RANBP2: variants seen among roughly 807,000 people sequenced by gnomAD.
RANBP2 encodes RAN binding protein 2.
A neutral mutation model predicts 303.6 loss-of-function variants in RANBP2; 57 were observed. The ratio of observed to expected loss-of-function variants is 0.19; its 90% CI spans 0.15 to 0.23. The LOEUF (loss-of-function observed/expected upper bound fraction) is 0.23, where lower values mean the gene tolerates loss of function less well. RANBP2 is among the 10% of genes least tolerant of loss of function. RANBP2 has a pLI of 1.00. For synonymous variants in RANBP2, 1,167 were observed against 1,301.5 expected (o/e 0.90, Z 2.23); for missense variants, 3,138 against 3,780.8 (o/e 0.83, Z 4.46).
the RANBP2 span, among the ~76,000 whole-genome samples, chr2:109,476,312 T>C: frequency 6.6e-6 from 1 of 151,904 alleles, no homozygotes; most frequent in Non-Finnish European, 1.5e-5. Flanking sequence ...GAAGATCAAA[T>C]GAGATCATGT....
chr2:109,419,032 T>C, the RANBP2 span, among the ~76,000 whole-genome samples: 1 of 152,182 alleles, frequency 6.6e-6, no homozygotes. Flanking sequence ...TTGGAGCACT[T>C]TGGGGTCTTG....
intron 9 of RANBP2, 116 bp downstream of exon 9, chr2:108,749,245 T>C (rs1675654120): frequency 1.9e-6 from 3 of 1,539,996 alleles, no homozygotes; most frequent in Middle Eastern, 2.3e-4. Context: ...TGTGTGTGGG[T>C]TGGGCTGGGG....
the RANBP2 span, among the ~76,000 whole-genome samples, chr2:109,055,145 C>T: frequency 1.3e-5 from 2 of 152,274 alleles, no homozygotes; most frequent in South Asian, 4.1e-4. Flanking sequence ...TTCACGATGA[C>T]TAATGATATT....
At position 108,783,629 on chromosome 2, in the gene RANBP2, G is replaced by A. The variant is rs775099953; in HGVS notation, c.9403G>A (p.Gly3135Arg). 4 of 1,612,406 alleles carry A rather than the reference G, an allele frequency of 2.5e-6. No individual in the cohort carries two copies. The highest frequency in any genetic ancestry group is 1.1e-5 in the South Asian group (1 of 90,966). ...GDITKHDGTG[G>R]QSIYGDKFED... ...TATCACCAAACATGATGGAACAGGC[G>A]GACAGTCCATTTATGGAGACAAATT... The change falls in exon 29 of 29, where the codon GGA becomes AGA. Residue 3135 changes from glycine (G) to arginine (R), a missense_variant. Physicochemically the swap from Gly to Arg is moderately radical, Grantham distance 125. Around this residue, in one of 20 missense-constraint regions of RANBP2, gnomAD observed 204 missense variants for 228.4 expected, o/e 0.89. Coordinates refer to ENST00000283195, the MANE Select transcript of RANBP2 (RefSeq NM_006267.5).
chr2:108,807,385 T>C, the RANBP2 span, among the ~76,000 whole-genome samples: 1 of 152,174 alleles, frequency 6.6e-6, no homozygotes, highest in Non-Finnish European at 1.5e-5. Context: ...TAAAATTATT[T>C]TTAATTGACA....
At chr2:109,029,246 T>C in the RANBP2 span, among the ~76,000 whole-genome samples, 1 of 151,970 alleles carries the variant, frequency 6.6e-6, no homozygotes, top group African/African-American at 2.4e-5. Flanking sequence ...GTCTATGGAG[T>C]CCCTCCCCAT....
the RANBP2 span, among the ~76,000 whole-genome samples, chr2:109,064,466 A>AAAAC: frequency 4.7e-5 from 7 of 148,632 alleles, no homozygotes; most frequent in Non-Finnish European, 8.9e-5. Flanking sequence ...AAAAAAAAAA[A>AAAAC]AAAAACAAAA....
chr2:109,032,292 T>C, the RANBP2 span, among the ~76,000 whole-genome samples: 1 of 151,624 alleles, frequency 6.6e-6, no homozygotes, highest in Non-Finnish European at 1.5e-5. Flanking sequence ...TGCATAGCGA[T>C]TTTTTTTGTC....
chr2:109,543,613 G>A, the RANBP2 span: 1 of 152,126 alleles, frequency 6.6e-6, no homozygotes, highest in Non-Finnish European at 1.5e-5. Flanking sequence ...GGTTCATCTT[G>A]GAATATAAAT....
At chr2:109,075,801 T>C in the RANBP2 span, among the ~76,000 whole-genome samples, 1 of 149,394 alleles carries the variant, frequency 6.7e-6, no homozygotes, top group African/African-American at 2.4e-5. Flanking sequence ...AACAGATGAG[T>C]TACAAATAAG....
At chr2:108,727,823 G>A (rs1465661648) in intron 1 of RANBP2, among the ~76,000 whole-genome samples, 2 of 151,916 alleles carry the variant, frequency 1.3e-5, no homozygotes, top group Non-Finnish European at 1.5e-5. Flanking sequence ...GGCTGGTCTC[G>A]AACTCTTGGC....
the RANBP2 span, chr2:109,574,661 C>T: frequency 3.7e-6 from 6 of 1,609,270 alleles, no homozygotes; most frequent in Admixed American, 5.1e-5. Context: ...TAGAGACACA[C>T]ATGGATGCGA....
chr2:109,661,232 C>A, the RANBP2 span, among the ~76,000 whole-genome samples: 1 of 138,680 alleles, frequency 7.2e-6, no homozygotes, highest in Non-Finnish European at 1.5e-5. Flanking sequence ...CATGAGGGAG[C>A]ATTAGTAGAA....
At chr2:109,178,425 G>A in the RANBP2 span, among the ~76,000 whole-genome samples, 3 of 151,968 alleles carry the variant, frequency 2.0e-5, no homozygotes, top group Non-Finnish European at 2.9e-5. Flanking sequence ...TTTTTTTATT[G>A]TTTTGTGAGC....
At chr2:109,405,287 A>C in the RANBP2 span, among the ~76,000 whole-genome samples, 26 of 152,182 alleles carry the variant, frequency 1.7e-4, no homozygotes, top group African/African-American at 5.1e-4. Flanking sequence ...TCTGTTCCTC[A>C]AGGAGTCACC....
chr2:108,780,919 G>A (rs1421043009), intron 25 of RANBP2, among the ~76,000 whole-genome samples: 1 of 152,116 alleles, frequency 6.6e-6, no homozygotes, highest in African/African-American at 2.4e-5. Context: ...ATGTTGGTCA[G>A]GCTGGTCTTG....
the RANBP2 span, among the ~76,000 whole-genome samples, chr2:108,946,474 C>G: frequency 2.0e-5 from 3 of 152,148 alleles, no homozygotes; most frequent in Non-Finnish European, 4.4e-5. Context: ...GGCTCTCTGG[C>G]CAAACACATA....
the RANBP2 span, among the ~76,000 whole-genome samples, chr2:109,304,704 C>G: frequency 6.6e-6 from 1 of 152,214 alleles, no homozygotes; most frequent in Non-Finnish European, 1.5e-5. Flanking sequence ...CTATTCAGTG[C>G]TTGGTGCTAG....
chr2:109,615,725 C>A, the RANBP2 span: 2 of 1,613,900 alleles, frequency 1.2e-6, no homozygotes, highest in South Asian at 2.2e-5. Flanking sequence ...GCGGCGGGCG[C>A]TGGAGGCTTT....
Sources: gnomAD v4.1 joint callset for allele counts (sites outside exome capture counted in the v4.1 genomes callset) on GRCh38, gnomAD v4.1.1 for gene constraint, gnomAD v4.1.1 regional missense constraint, MANE v1.5 for transcripts, NCBI Gene and HGNC (gene_info 2026-07-23, HGNC 2026-07-21) for gene names.